The following SLC30A8 variants were observed in gnomAD, a reference collection of about 807,000 sequenced individuals.
SLC30A8 encodes the protein solute carrier family 30 member 8.
A neutral mutation model predicts 36.9 loss-of-function variants in SLC30A8; 27 were observed. The observed-to-expected ratio is 0.73, with a 90% confidence interval of 0.54 to 1.01. The LOEUF (loss-of-function observed/expected upper bound fraction) is 1.01, where lower values mean the gene tolerates loss of function less well. Among genes scored for constraint, SLC30A8 ranks in the 50% least tolerant of loss-of-function variants. The pLI is 0.00. For synonymous variants in SLC30A8, 164 were observed against 172.4 expected, an observed-to-expected ratio of 0.95 and a Z score of 0.38; for missense variants, 439 against 452.0, an observed-to-expected ratio of 0.97 and a Z score of 0.26.
intron 2 of SLC30A8, chr8:117,128,312 T>C (rs1021571096): frequency 6.6e-6 from 1 of 152,052 alleles, no homozygotes; most frequent in Non-Finnish European, 1.5e-5. Flanking sequence ...GACTAGGAGT[T>C]TCCTAGCAGC....
chr8:116,980,306 G>A (rs959338824), intron 1 of SLC30A8, among the ~76,000 whole-genome samples: 7 of 152,148 alleles, frequency 4.6e-5, no homozygotes, highest in African/African-American at 1.7e-4. Context: ...GCCTGAAATG[G>A]GGAGTCTTGT....
chr8:117,112,069 C>T (rs1020755195), intron 2 of SLC30A8, among the ~76,000 whole-genome samples: 1 of 152,134 alleles, frequency 6.6e-6, no homozygotes, highest in East Asian at 1.9e-4. Context: ...GATGACATTT[C>T]TTCCGTCTCT....
intron 2 of SLC30A8, among the ~76,000 whole-genome samples, chr8:117,077,708 A>G (rs1034229179): frequency 6.6e-6 from 1 of 152,174 alleles, no homozygotes; most frequent in Admixed American, 6.5e-5. Context: ...CAGCATCAAA[A>G]TTTGTTGAAT....
At chr8:116,996,142 G>A (rs1815806270) in intron 1 of SLC30A8, among the ~76,000 whole-genome samples, 1 of 152,160 alleles carries the variant, frequency 6.6e-6, no homozygotes, top group South Asian at 2.1e-4. Context: ...GCCCCAGTTA[G>A]TCGCTACCCA....
At chr8:117,168,911 C>G (rs150139600) in intron 6 of SLC30A8, among the ~76,000 whole-genome samples, 287 of 152,264 alleles carry the variant, frequency 1.9e-3, no homozygotes, top group Non-Finnish European at 3.0e-3. Context: ...CCTCAATTTC[C>G]TCTTCTCTAG....
In SLC30A8 at chr8:117,153,061, A is replaced by G. The variant is rs1822273628; in HGVS notation, c.389A>G (p.Lys130Arg). The change falls in exon 3 of 8, where the codon AAG (lysine) becomes AGG (arginine). Residue 130 changes from lysine (K) to arginine (R), a missense_variant. By Grantham distance (26) the Lys-to-Arg change is conservative. Coordinates refer to ENST00000456015, the MANE Select transcript of SLC30A8 (RefSeq NM_173851.3). ...SLWLSSKPPS[K>R]RLTFGWHRAE... ...TGGTTGTCATCGAAGCCTCCCTCTA[A>G]GCGGCTGACATTTGGATGGCACCGA... The G allele has an allele frequency of 6.2e-7, 1 of 1,612,236 alleles. No individual in the cohort carries two copies. The highest frequency in any genetic ancestry group is 8.5e-7 in the Non-Finnish European group (1 of 1,178,720).
intron 2 of SLC30A8, among the ~76,000 whole-genome samples, chr8:117,069,935 A>C (rs372077704): frequency 6.6e-6 from 1 of 152,306 alleles, no homozygotes; most frequent in South Asian, 2.1e-4. Context: ...ATATAATTTG[A>C]CTTTATTAAT....
At chr8:117,085,895 G>GTAAGA (rs2130819290) in intron 2 of SLC30A8, among the ~76,000 whole-genome samples, 1 of 152,244 alleles carries the variant, frequency 6.6e-6, no homozygotes, top group South Asian at 2.1e-4. Context: ...CAAGACAAGA[G>GTAAGA]TAAGATATTT....
intron 1 of SLC30A8, among the ~76,000 whole-genome samples, chr8:117,009,992 C>T (rs1329252287): frequency 6.6e-6 from 1 of 152,214 alleles, no homozygotes; most frequent in African/African-American, 2.4e-5. Flanking sequence ...GTTTGAACAG[C>T]ACAGGCTTTG....
At chr8:117,138,625 C>G (rs1821480638) in intron 1 of SLC30A8, among the ~76,000 whole-genome samples, 1 of 152,018 alleles carries the variant, frequency 6.6e-6, no homozygotes, top group African/African-American at 2.4e-5. Context: ...GGTTTCCTTC[C>G]TCTACCCAGC....
intron 1 of SLC30A8, among the ~76,000 whole-genome samples, chr8:116,979,444 G>A (rs1386303364): frequency 1.3e-5 from 2 of 152,122 alleles, no homozygotes; most frequent in Non-Finnish European, 2.9e-5. Context: ...TTCTTTCCCT[G>A]TCGTTGGCTT....
At chr8:117,054,737 A>G (rs553077174) in intron 2 of SLC30A8, among the ~76,000 whole-genome samples, 11 of 152,114 alleles carry the variant, frequency 7.2e-5, no homozygotes, top group African/African-American at 2.6e-4. Flanking sequence ...AAAGGGTTGC[A>G]GAGGATAAGG....
rs187419414 is a variant in SLC30A8 at position 116,977,218 on chromosome 8, C to T, written c.-266+26099C>T. Among the ~76,000 whole-genome samples the T allele has an allele frequency of 9.8e-3, 1,203 of 123,264 alleles. 26 individuals are homozygous for T. Among genetic ancestry groups the T allele is most frequent in the African/African-American group, 0.036 (1,155 of 32,234 alleles). 80.9% of individuals were successfully genotyped at this position (123,264 alleles called of 152,430 possible). ...GGCTGGAGTGCAGTGGCACGATTTC[C>T]GTTCACTGCAAGCTCCGCCTCCTGG... On this transcript the variant is annotated intron_variant, in intron 1 of 10. Transcript: ENST00000427715.
At chr8:116,994,575 G>A (rs2130671318) in intron 1 of SLC30A8, among the ~76,000 whole-genome samples, 1 of 152,180 alleles carries the variant, frequency 6.6e-6, no homozygotes, top group African/African-American at 2.4e-5. Context: ...TAAGAAACAG[G>A]CAAAAACTAA....
At chr8:116,982,711 T>G (rs1386353212) in intron 1 of SLC30A8, among the ~76,000 whole-genome samples, 1 of 152,194 alleles carries the variant, frequency 6.6e-6, no homozygotes, top group East Asian at 1.9e-4. Context: ...TTCCAGAATC[T>G]GCTGCACAAA....
chr8:116,963,388 C>T (rs1376386789), intron 1 of SLC30A8, among the ~76,000 whole-genome samples: 1 of 152,068 alleles, frequency 6.6e-6, no homozygotes, highest in Non-Finnish European at 1.5e-5. Context: ...AGTTCCAGAA[C>T]ATTTTCATCA....
At chr8:117,120,999 C>T (rs1019603099) in intron 2 of SLC30A8, among the ~76,000 whole-genome samples, 1 of 151,696 alleles carries the variant, frequency 6.6e-6, no homozygotes, top group Non-Finnish European at 1.5e-5. Flanking sequence ...AAATAAGGGT[C>T]TCTGAGGTTG....
rs541723546 is a variant in SLC30A8, at chr8:117,034,604, C to T, written c.-265-4615C>T. Among the ~76,000 whole-genome samples the T allele has an allele frequency of 3.9e-5, 6 of 152,260 alleles. No individual in the cohort carries two copies. The South Asian group carries it at 1.0e-3, about 26-fold the overall frequency. On this transcript the variant is annotated intron_variant, in intron 1 of 10. Transcript: ENST00000427715. ...AAGGTGCTAGAGCTGGGGTTTGAAC[C>T]CAGGTGTTCTAACTTCAGATTCCAA...
At chr8:117,144,238 T>G (rs746840201) in intron 1 of SLC30A8, among the ~76,000 whole-genome samples, 1 of 152,144 alleles carries the variant, frequency 6.6e-6, no homozygotes, top group African/African-American at 2.4e-5. Flanking sequence ...AAAGCAAAAG[T>G]CTACTCATTT....
Sources: allele counts gnomAD v4.1 joint callset (sites outside exome capture counted in the v4.1 genomes callset), GRCh38; gene constraint gnomAD v4.1.1; transcripts MANE v1.5; gene names NCBI Gene and HGNC (gene_info 2026-07-23, HGNC 2026-07-21).